The following SLC30A8 variants were observed in gnomAD, a reference collection of about 807,000 sequenced individuals.
SLC30A8 encodes proton-coupled zinc antiporter SLC30A8.
A neutral mutation model predicts 36.9 loss-of-function variants in SLC30A8; 27 were observed. That is an observed-to-expected ratio of 0.73 (90% confidence interval 0.54 to 1.01). The LOEUF (loss-of-function observed/expected upper bound fraction) is 1.01, where lower values mean the gene tolerates loss of function less well. Ranked by LOEUF, SLC30A8 falls within the 50% of genes least tolerant of loss-of-function variation. The pLI is 0.00. For synonymous variants in SLC30A8, 164 were observed against 172.4 expected (o/e 0.95, Z 0.38); for missense variants, 439 against 452.0 (o/e 0.97, Z 0.26).
intron 1 of SLC30A8, among the ~76,000 whole-genome samples, chr8:116,990,844 T>C (rs905944665): frequency 1.3e-5 from 2 of 152,212 alleles, no homozygotes; most frequent in African/African-American, 2.4e-5. Context: ...TTTATAATTA[T>C]TCTAAAATTT....
Position 117,175,739 on chromosome 8 carries a change from C to CTT in SLC30A8, c.*3061_*3062dup, listed in dbSNP as rs1823647505. ...GGCACAGAATTTTAAATCATCTCAACTTTTGAGAAATTTTGAGTTATCAAC... is the reference window on the plus strand; with the variant it reads ...GGCACAGAATTTTAAATCATCTCAACTTTTTTGAGAAATTTTGAGTTATCAAC... On this transcript the variant is annotated 3_prime_UTR_variant, in exon 8 of 8. Transcript: ENST00000456015. The CTT allele has an allele frequency of 6.6e-6, 1 of 152,010 alleles. No individual in the cohort carries two copies. The highest frequency in any genetic ancestry group is 2.1e-4 in the South Asian group (1 of 4,828). The allele number at this position is 152,010 out of a possible 1,614,324, so 9.4% of individuals were successfully genotyped here.
chr8:117,135,478 T>G (rs1414017838), intron 1 of SLC30A8, 80 bp downstream of exon 1: 1 of 1,186,818 alleles, frequency 8.4e-7, no homozygotes, highest in Non-Finnish European at 1.2e-6. Context: ...TTCTGAATTG[T>G]AGGCCTTTAC....
chr8:116,972,328 G>A (rs995816186), intron 1 of SLC30A8, among the ~76,000 whole-genome samples: 2 of 152,162 alleles, frequency 1.3e-5, no homozygotes, highest in Non-Finnish European at 1.5e-5. Flanking sequence ...AATTCTGTAG[G>A]CATCTCCATC....
At chr8:117,161,367 G>T (rs1237165172) in intron 4 of SLC30A8, among the ~76,000 whole-genome samples, 2 of 151,204 alleles carry the variant, frequency 1.3e-5, no homozygotes, top group African/African-American at 4.9e-5. Context: ...TCCCAATGAA[G>T]CTTGACTTTA....
Position 117,026,320 on chromosome 8 carries a change from C to T in SLC30A8, c.-265-12899C>T, listed in dbSNP as rs529657498. Among the ~76,000 whole-genome samples, 42 of 152,278 alleles carry T rather than the reference C, an allele frequency of 2.8e-4. No individual in the cohort carries two copies. The South Asian group carries it at 8.5e-3, about 31-fold the overall frequency. ...TAAAGATAAGTCAAGAGCGCTCACA[C>T]AGTTTCATGAAACTTCCATTTGTTT... On this transcript the variant is annotated intron_variant, in intron 1 of 10. Transcript: ENST00000427715.
chr8:116,982,385 G>A (rs1348513112), intron 1 of SLC30A8, among the ~76,000 whole-genome samples: 1 of 152,054 alleles, frequency 6.6e-6, no homozygotes, highest in East Asian at 1.9e-4. Flanking sequence ...AATATGTAGG[G>A]AAACCAGTTT....
intron 2 of SLC30A8, among the ~76,000 whole-genome samples, chr8:117,045,077 A>G (rs980306313): frequency 5.3e-5 from 8 of 152,216 alleles, no homozygotes; most frequent in African/African-American, 1.7e-4. Flanking sequence ...CTTCTTTTGG[A>G]AAAGGCAAAA....
intron 1 of SLC30A8, among the ~76,000 whole-genome samples, chr8:117,136,174 C>A (rs1472208217): frequency 1.3e-5 from 2 of 151,866 alleles, no homozygotes; most frequent in Non-Finnish European, 2.9e-5. Context: ...AAGTAATAGG[C>A]TAAGAGCTAA....
intron 1 of SLC30A8, among the ~76,000 whole-genome samples, chr8:116,967,779 C>T (rs1481056161): frequency 3.9e-5 from 6 of 152,196 alleles, no homozygotes. Context: ...AAACAAAATA[C>T]TGTGACACAT....
chr8:117,152,794 G>A (rs1010334451), intron 2 of SLC30A8, 150 bp from the exon 3 acceptor site: 17 of 562,900 alleles, frequency 3.0e-5, no homozygotes, highest in African/African-American at 1.7e-4. Context: ...TCTCTGAGTC[G>A]CAGAAGGGGT....
chr8:117,018,465 AC>A (rs1035072367), intron 1 of SLC30A8, among the ~76,000 whole-genome samples: 1 of 152,156 alleles, frequency 6.6e-6, no homozygotes, highest in African/African-American at 2.4e-5. Context: ...AATTGGACTT[AC>A]CACATTTCAA....
intron 2 of SLC30A8, among the ~76,000 whole-genome samples, chr8:117,057,852 G>A (rs1042390570): frequency 1.3e-5 from 2 of 152,128 alleles, no homozygotes; most frequent in African/African-American, 4.8e-5. Flanking sequence ...AGTAAACACG[G>A]GAGTGCCGAT....
intron 1 of SLC30A8, among the ~76,000 whole-genome samples, chr8:117,013,682 G>A (rs912908577): frequency 2.0e-5 from 3 of 152,094 alleles, no homozygotes; most frequent in African/African-American, 7.2e-5. Flanking sequence ...CTTCTTATGG[G>A]AGTCTAAAGG....
chr8:117,049,529 A>G (rs1817646182), intron 2 of SLC30A8, among the ~76,000 whole-genome samples: 1 of 152,230 alleles, frequency 6.6e-6, no homozygotes, highest in Non-Finnish European at 1.5e-5. Flanking sequence ...TAGAGGCTGC[A>G]AAGTTCCCCT....
chr8:117,160,583 A>T (rs1822739785), intron 4 of SLC30A8, among the ~76,000 whole-genome samples: 1 of 152,228 alleles, frequency 6.6e-6, no homozygotes, highest in Non-Finnish European at 1.5e-5. Context: ...GAGTGACTAC[A>T]CAAGTTTTTT....
At chr8:116,955,328 G>A (rs372891626) in intron 1 of SLC30A8, among the ~76,000 whole-genome samples, 1 of 152,158 alleles carries the variant, frequency 6.6e-6, no homozygotes, top group Non-Finnish European at 1.5e-5. Flanking sequence ...ACAGTGACAC[G>A]GATGCAAACA....
At chr8:116,961,068 CTGTT>C (rs1364690921) in intron 1 of SLC30A8, among the ~76,000 whole-genome samples, 1 of 152,134 alleles carries the variant, frequency 6.6e-6, no homozygotes, top group Non-Finnish European at 1.5e-5. Flanking sequence ...TGAAATAAAA[CTGTT>C]TATTCACTTG....
At chr8:117,093,350 CATTCTT>C (rs530671544) in intron 2 of SLC30A8, among the ~76,000 whole-genome samples, 294 of 151,408 alleles carry the variant, frequency 1.9e-3, no homozygotes, top group African/African-American at 6.6e-3. Flanking sequence ...AATGTGTACT[CATTCTT>C]ATTAAGTCTT....
intron 1 of SLC30A8, among the ~76,000 whole-genome samples, chr8:116,983,538 A>C (rs1215042381): frequency 6.6e-6 from 1 of 152,092 alleles, no homozygotes; most frequent in Admixed American, 6.6e-5. Context: ...CATATGTCTC[A>C]TGTACTTTTT....
Sources: gnomAD v4.1 joint callset for allele counts (sites outside exome capture counted in the v4.1 genomes callset) on GRCh38, gnomAD v4.1.1 for gene constraint, MANE v1.5 for transcripts, NCBI Gene and HGNC (gene_info 2026-07-23, HGNC 2026-07-21) for gene names.